SLCO4C1: variants seen among roughly 807,000 people sequenced by gnomAD.
SLCO4C1 encodes the protein solute carrier organic anion transporter family member 4C1, also known as organic anion transporter M1.
In SLCO4C1, 58 loss-of-function variants were observed where a neutral mutation model predicts 72.1. The ratio of observed to expected loss-of-function variants is 0.80; its 90% CI spans 0.65 to 1.00. The LOEUF (loss-of-function observed/expected upper bound fraction) is 1.00. Ranked by LOEUF, SLCO4C1 falls within the 50% of genes least tolerant of loss-of-function variation. The pLI, the probability that SLCO4C1 is intolerant of heterozygous loss-of-function variation, is 0.00. For synonymous variants in SLCO4C1, 297 were observed against 312.5 expected (o/e 0.95, Z 0.52); for missense variants, 898 against 857.9 (o/e 1.05, Z -0.58).
intron 2 of SLCO4C1, among the ~76,000 whole-genome samples, chr5:102,273,049 A>T (rs867024952): frequency 6.6e-6 from 1 of 152,154 alleles, no homozygotes; most frequent in African/African-American, 2.4e-5. Context: ...GTTCTATAAA[A>T]CATAAAAGAA....
At chr5:102,291,924 T>G (rs1749564424) in intron 1 of SLCO4C1, among the ~76,000 whole-genome samples, 1 of 151,994 alleles carries the variant, frequency 6.6e-6, no homozygotes. Context: ...AGGGTTCAAG[T>G]GATTCTCCTG....
In SLCO4C1 at chr5:102,250,944, G is replaced by A. The variant is rs368657598; in HGVS notation, c.1470-1156C>T. 2.2e-4 allele frequency among the ~76,000 whole-genome samples: 34 copies of A among 151,970 alleles called. No individual in the cohort carries two copies. In the East Asian group the frequency reaches 2.3e-3, roughly 10 times the overall value. ...AGACGTTTCAATGAGCCAAGATTGC[G>A]CCACTGCACTCCAGCCTGGGCAACA... is the stretch of plus-strand genomic sequence containing the variant. On this transcript the variant is annotated intron_variant, in intron 8 of 12. Coordinates refer to ENST00000310954, the MANE Select transcript of SLCO4C1 (RefSeq NM_180991.5).
chr5:102,247,917 CTTTTTTTTT>C (rs55692838), intron 9 of SLCO4C1, among the ~76,000 whole-genome samples: 16,609 of 107,718 alleles, frequency 0.15, 1,198 homozygotes, highest in Middle Eastern at 0.21. Context: ...AGGCCAGAAA[CTTTTTTTTT>C]TTTTTTTTTT....
In SLCO4C1 at chr5:102,239,253, A is replaced by G. The variant is rs1450841285; in HGVS notation, c.2012T>C (p.Ile671Thr). The change falls in exon 12 of 13, where the codon ATA becomes ACA. Residue 671 changes from isoleucine (I) to threonine (T), a missense_variant and splice_region_variant. Transcript: ENST00000310954. ...NIKMAHMLVA[I>T]SVTCKVITMF... ...ATTATCAAGAAGTCACCACTTACTT[A>G]TGGCTACTAGCATATGGGCCATCTT... 1.9e-6 allele frequency: 3 copies of G among 1,562,536 alleles called. No individual in the cohort carries two copies.
At chr5:102,246,517 A>G (rs1334762448) in intron 10 of SLCO4C1, among the ~76,000 whole-genome samples, 1 of 152,140 alleles carries the variant, frequency 6.6e-6, no homozygotes, top group East Asian at 1.9e-4. Flanking sequence ...AATGTCTCCC[A>G]GTAAAGAAAA....
chr5:102,288,282 AT>A (rs1432780548), intron 2 of SLCO4C1, among the ~76,000 whole-genome samples: 1 of 152,174 alleles, frequency 6.6e-6, no homozygotes, highest in African/African-American at 2.4e-5. Flanking sequence ...TCTTAATTTC[AT>A]TCTAATTCTG....
intron 1 of SLCO4C1, among the ~76,000 whole-genome samples, chr5:102,295,476 A>G (rs377633841): frequency 6.6e-6 from 1 of 152,150 alleles, no homozygotes. Flanking sequence ...CCCACCTGCA[A>G]ACGTATTACT....
rs1748407676 is a variant in SLCO4C1 at position 102,234,965 on chromosome 5, T to C, written c.*1893A>G. 6.6e-6 allele frequency: 1 copy of C among 152,236 alleles called. No individual in the cohort carries two copies. The allele number at this position is 152,236 out of a possible 1,614,324, so 9.4% of individuals were successfully genotyped here. On this transcript the variant is annotated 3_prime_UTR_variant, in exon 13 of 13. Coordinates refer to ENST00000310954, the MANE Select transcript of SLCO4C1 (RefSeq NM_180991.5). ...CCTGCTTCTCAAATATCTGGATTTT[T>C]GGCTACCTATTTGGCTTCCGTCTTT... is the stretch of plus-strand genomic sequence containing the variant.
Position 102,235,302 on chromosome 5 carries a change from G to A in SLCO4C1, c.*1556C>T, listed in dbSNP as rs1408172055. The A allele has an allele frequency of 5.9e-5, 9 of 152,186 alleles. No individual in the cohort carries two copies. The East Asian group carries it at 1.7e-3, about 29-fold the overall frequency. The allele number at this position is 152,186 out of a possible 1,614,324, so 9.4% of individuals were successfully genotyped here. On this transcript the variant is annotated 3_prime_UTR_variant, in exon 13 of 13. Transcript: ENST00000310954. ...AATTAACCTAGGAGAAAGCTTATAG[G>A]GGAAACCTGATGATGAATTTTATTA...
At position 102,291,570 on chromosome 5, in the gene SLCO4C1, G is replaced by T; in HGVS notation, c.392C>A (p.Ser131Tyr). 1 of 1,613,600 alleles carries T rather than the reference G, an allele frequency of 6.2e-7. No individual in the cohort carries two copies. The highest frequency in any genetic ancestry group is 2.2e-5 in the East Asian group (1 of 44,850). The change falls in exon 2 of 13, where the codon TCC becomes TAC. Residue 131 changes from serine to tyrosine, a missense_variant. Physicochemically the swap from Ser to Tyr is moderately radical, Grantham distance 144. Transcript: ENST00000310954. ...VVNGLVNISI[S>Y]TVEKRYEMKS... ...CATTTCATAACGCTTCTCAACAGTGGAAATGCTAATATTTACTAGGCCATT... is the reference window on the plus strand; with the variant it reads ...CATTTCATAACGCTTCTCAACAGTGTAAATGCTAATATTTACTAGGCCATT...
At chr5:102,263,590 A>T in intron 4 of SLCO4C1, 94 bp downstream of exon 4, 1 of 937,900 alleles carries the variant, frequency 1.1e-6, no homozygotes, top group Non-Finnish European at 1.7e-6. Context: ...CTCATGCTAT[A>T]CTGAGGGAAG....
chr5:102,249,899 A>G, intron 8 of SLCO4C1, 111 bp from the exon 9 acceptor site: 1 of 1,065,700 alleles, frequency 9.4e-7, no homozygotes, highest in Non-Finnish European at 1.4e-6. Context: ...CACTCAACAC[A>G]TAATTACTAA....
intron 2 of SLCO4C1, among the ~76,000 whole-genome samples, chr5:102,279,322 C>A (rs1365330410): frequency 6.6e-6 from 1 of 152,014 alleles, no homozygotes; most frequent in Non-Finnish European, 1.5e-5. Flanking sequence ...GAAGTAACTG[C>A]AGTTTTTGCC....
rs1748625939 is a variant in SLCO4C1, at chr5:102,245,832, A to T, written c.1811+1420T>A. On this transcript the variant is annotated intron_variant, in intron 10 of 12. Transcript: ENST00000310954. ...TAAAACATTCAAAGTAACTGAAATA[A>T]TATCAGTCATCTTCCCTGACCACAA... Among the ~76,000 whole-genome samples, 3 of 152,198 alleles carry T rather than the reference A, an allele frequency of 2.0e-5. No individual in the cohort carries two copies. The South Asian group carries it at 6.2e-4, about 31-fold the overall frequency.
intron 12 of SLCO4C1, among the ~76,000 whole-genome samples, chr5:102,237,812 A>C (rs183835693): frequency 6.6e-6 from 1 of 152,300 alleles, no homozygotes; most frequent in East Asian, 1.9e-4. Flanking sequence ...AGGATATCAC[A>C]CTCAATACTT....
intron 10 of SLCO4C1, among the ~76,000 whole-genome samples, chr5:102,241,488 C>G (rs1748538514): frequency 6.6e-6 from 1 of 150,958 alleles, no homozygotes; most frequent in African/African-American, 2.4e-5. Context: ...AAGTAAACAA[C>G]AAAATTTACA....
At chr5:102,279,427 T>A (rs914696313) in intron 2 of SLCO4C1, among the ~76,000 whole-genome samples, 16 of 152,108 alleles carry the variant, frequency 1.1e-4, no homozygotes, top group African/African-American at 3.8e-4. Flanking sequence ...TTAACTTTTT[T>A]AATTAAGAAA....
Position 102,236,811 on chromosome 5 carries a change from A to C in SLCO4C1, c.*47T>G. 1 of 1,579,724 alleles carries C rather than the reference A, an allele frequency of 6.3e-7. No individual in the cohort carries two copies. Among genetic ancestry groups the C allele is most frequent in the Non-Finnish European group, 8.6e-7 (1 of 1,161,266 alleles). On this transcript the variant is annotated 3_prime_UTR_variant, in exon 13 of 13. Coordinates refer to ENST00000310954, the MANE Select transcript of SLCO4C1 (RefSeq NM_180991.5). ...GCCATGGCAATGTGTGTTCTTAAAA[A>C]TCGAGGTAAATTTTCCAGGTGTAAA... is the stretch of plus-strand genomic sequence containing the variant.
In SLCO4C1 at chr5:102,296,174, A is replaced by G. The variant is rs1046078689; in HGVS notation, c.89T>C (p.Ile30Thr). ...GTCAGAGGACAAGGCAGAGACTTCG[A>G]TTTGGGAGGGCGACGCAGACAAGCG... Reference protein sequence around the residue: ...LRRLSASPSQIEVSALSSDPQ... With the variant: ...LRRLSASPSQTEVSALSSDPQ... Residue 30 changes from isoleucine to threonine, a missense_variant, in exon 1 of 13, where the codon ATC (isoleucine) becomes ACC (threonine). Coordinates refer to ENST00000310954, the MANE Select transcript of SLCO4C1 (RefSeq NM_180991.5). 6.2e-7 allele frequency: 1 copy of G among 1,609,454 alleles called. No individual in the cohort carries two copies. Among genetic ancestry groups the G allele is most frequent in the Non-Finnish European group, 8.5e-7 (1 of 1,177,462 alleles).
Sources: allele counts gnomAD v4.1 joint callset (sites outside exome capture counted in the v4.1 genomes callset), GRCh38; gene constraint gnomAD v4.1.1; transcripts MANE v1.5; gene names NCBI Gene and HGNC (gene_info 2026-07-23, HGNC 2026-07-21).